The following GABRB2 variants were observed in gnomAD, a reference collection of about 807,000 sequenced individuals.
GABRB2 encodes gamma-aminobutyric acid receptor subunit beta-2.
Under a neutral mutation model 54.7 loss-of-function variants are expected in GABRB2, and 16 were observed. The observed-to-expected ratio is 0.29, with a 90% CI of 0.20 to 0.44. The LOEUF (loss-of-function observed/expected upper bound fraction) is 0.44, where lower values mean the gene tolerates loss of function less well. Among genes scored for constraint, GABRB2 ranks in the 20% least tolerant of loss-of-function variants. The pLI, the probability that GABRB2 is intolerant of heterozygous loss-of-function variation, is 1.00. For synonymous variants in GABRB2, 244 were observed against 233.8 expected (o/e 1.04, Z -0.40); for missense variants, 355 against 644.0 (o/e 0.55, Z 4.86).
rs199863478 is a variant in GABRB2 at position 161,501,948 on chromosome 5, TGTAAA to T, written c.238-42109_238-42105del. Among the ~76,000 whole-genome samples the T allele has an allele frequency of 7.9e-3, 1,179 of 148,514 alleles. 15 individuals are homozygous for T. The highest frequency in any genetic ancestry group is 0.026 in the African/African-American group (1,076 of 40,954). On this transcript the variant is annotated intron_variant, in intron 3 of 9. Transcript: ENST00000393959. ...ATACATATAAAATAAATGTAAAATA[TGTAAA>T]GTAAATATAATATAAATTACTTTAC...
intron 5 of GABRB2, among the ~76,000 whole-genome samples, chr5:161,359,889 TG>T (rs2113449925): frequency 6.6e-6 from 1 of 152,270 alleles, no homozygotes; most frequent in East Asian, 1.9e-4. Flanking sequence ...AAGACCATGC[TG>T]GCCAACATGG....
At chr5:161,500,149 A>G (rs1319998366) in intron 3 of GABRB2, among the ~76,000 whole-genome samples, 1 of 152,192 alleles carries the variant, frequency 6.6e-6, no homozygotes, top group African/African-American at 2.4e-5. Context: ...CGAGTCCACT[A>G]CAGAGAATGG....
At chr5:161,505,906 G>A (rs992661748) in intron 3 of GABRB2, among the ~76,000 whole-genome samples, 22 of 152,050 alleles carry the variant, frequency 1.4e-4, no homozygotes, top group African/African-American at 4.8e-4. Flanking sequence ...TGCTATCACC[G>A]TTTCTACTTC....
intron 3 of GABRB2, among the ~76,000 whole-genome samples, chr5:161,530,957 G>A (rs578079187): frequency 1.1e-4 from 16 of 152,170 alleles, no homozygotes; most frequent in African/African-American, 3.9e-4. Context: ...GCACCCAGCT[G>A]ATCAAAGAAC....
intron 4 of GABRB2, among the ~76,000 whole-genome samples, chr5:161,439,924 T>A (rs1757417034): frequency 6.6e-6 from 1 of 151,966 alleles, no homozygotes; most frequent in Admixed American, 6.6e-5. Flanking sequence ...CAATAGCACA[T>A]GTTTACCTAT....
chr5:161,492,564 T>TTGTG (rs111553488), intron 3 of GABRB2, among the ~76,000 whole-genome samples: 83,503 of 149,272 alleles, frequency 0.56, 25,122 homozygotes, highest in East Asian at 0.67. Flanking sequence ...TTGTTGTAAT[T>TTGTG]TGTGTGTGTG....
At chr5:161,546,279 G>T in intron 2 of GABRB2, 43 bp downstream of exon 2, 1 of 1,522,320 alleles carries the variant, frequency 6.6e-7, no homozygotes, top group Non-Finnish European at 9.1e-7. Flanking sequence ...TCAAAAGACA[G>T]CTTCGGCTGT....
intron 9 of GABRB2, among the ~76,000 whole-genome samples, chr5:161,300,510 G>T (rs1757506095): frequency 6.6e-6 from 1 of 152,164 alleles, no homozygotes; most frequent in African/African-American, 2.4e-5. Flanking sequence ...ATTCTGGGTT[G>T]TTGATGTTTA....
chr5:161,472,492 T>C (rs1203601859), intron 3 of GABRB2, among the ~76,000 whole-genome samples: 1 of 147,942 alleles, frequency 6.8e-6, no homozygotes, highest in East Asian at 2.0e-4. Context: ...TAGAACTATT[T>C]GGGACATACA....
At chr5:161,481,513 A>C (rs1758761408) in intron 3 of GABRB2, among the ~76,000 whole-genome samples, 1 of 152,032 alleles carries the variant, frequency 6.6e-6, no homozygotes, top group Admixed American at 6.6e-5. Context: ...GCTTAAAAAT[A>C]TGTTACCTAC....
intron 5 of GABRB2, among the ~76,000 whole-genome samples, chr5:161,352,776 G>A (rs1754513317): frequency 6.6e-6 from 1 of 151,908 alleles, no homozygotes; most frequent in Non-Finnish European, 1.5e-5. Flanking sequence ...TCTACTATGT[G>A]TACATATTTC....
chr5:161,474,937 T>C (rs1020586146), intron 3 of GABRB2, among the ~76,000 whole-genome samples: 1 of 152,072 alleles, frequency 6.6e-6, no homozygotes, highest in Non-Finnish European at 1.5e-5. Flanking sequence ...ATAATGTCTC[T>C]GAGAGCTGGT....
chr5:161,489,383 A>C (rs1759029878), intron 3 of GABRB2, among the ~76,000 whole-genome samples: 1 of 151,708 alleles, frequency 6.6e-6, no homozygotes, highest in Admixed American at 6.6e-5. Context: ...AATTTACATA[A>C]ATTGTATCAC....
chr5:161,534,623 A>G (rs1331029117), intron 3 of GABRB2, among the ~76,000 whole-genome samples: 1 of 152,202 alleles, frequency 6.6e-6, no homozygotes, highest in African/African-American at 2.4e-5. Flanking sequence ...TGAAGGAAAA[A>G]AGCAACAGTA....
chr5:161,408,713 G>C (rs1580960567), intron 5 of GABRB2, among the ~76,000 whole-genome samples: 1 of 151,784 alleles, frequency 6.6e-6, no homozygotes, highest in South Asian at 2.1e-4. Context: ...AAAGAAGGGA[G>C]GGAAAAACAG....
At chr5:161,482,946 A>G (rs1410401075) in intron 3 of GABRB2, among the ~76,000 whole-genome samples, 2 of 152,072 alleles carry the variant, frequency 1.3e-5, no homozygotes, top group Non-Finnish European at 2.9e-5. Context: ...GCTCCACACA[A>G]TGATAGTTCC....
intron 5 of GABRB2, among the ~76,000 whole-genome samples, chr5:161,364,289 A>G (rs1443933478): frequency 6.6e-6 from 1 of 152,132 alleles, no homozygotes; most frequent in East Asian, 1.9e-4. Flanking sequence ...TCTTTGAAAG[A>G]TTTTTCCTCT....
intron 5 of GABRB2, among the ~76,000 whole-genome samples, chr5:161,390,786 A>G (rs1452789316): frequency 2.0e-5 from 3 of 152,048 alleles, no homozygotes; most frequent in Non-Finnish European, 4.4e-5. Flanking sequence ...CTTTCTCCCA[A>G]ATCTTTGCAT....
At position 161,530,017 on chromosome 5, in the gene GABRB2, T is replaced by C. The variant is rs1243162671; in HGVS notation, c.237+15210A>G. ...ATTCCTTAAGGATAGTAACCACATATGTCTTTCCCTCTCTCCATCTCCCTC... is the reference window on the plus strand; with the variant it reads ...ATTCCTTAAGGATAGTAACCACATACGTCTTTCCCTCTCTCCATCTCCCTC... On this transcript the variant is annotated intron_variant, in intron 3 of 9. Transcript: ENST00000393959. 5.3e-5 allele frequency among the ~76,000 whole-genome samples: 8 copies of C among 152,180 alleles called. No individual in the cohort carries two copies. In the East Asian group the frequency reaches 9.7e-4, roughly 18 times the overall value.
Sources: gnomAD v4.1 joint callset for allele counts (sites outside exome capture counted in the v4.1 genomes callset) on GRCh38, gnomAD v4.1.1 for gene constraint, MANE v1.5 for transcripts, NCBI Gene and HGNC (gene_info 2026-07-23, HGNC 2026-07-21) for gene names.